PRKCB: variants seen among roughly 807,000 people sequenced by gnomAD.
PRKCB encodes protein kinase C beta type.
A neutral mutation model predicts 81.5 loss-of-function variants in PRKCB; 13 were observed. The ratio of observed to expected loss-of-function variants is 0.16; its 90% CI spans 0.10 to 0.25. PRKCB has a LOEUF of 0.25. PRKCB is among the 10% of genes least tolerant of loss of function. The probability of loss-of-function intolerance (pLI) is 1.00; values close to 1 mark genes in which losing one functional copy is unlikely to be tolerated. For synonymous variants in PRKCB, 335 were observed against 321.4 expected (o/e 1.04, Z -0.45); for missense variants, 509 against 875.7 (o/e 0.58, Z 5.29).
intron 2 of PRKCB, among the ~76,000 whole-genome samples, chr16:23,981,627 CTTTTTT>C (rs1964706422): frequency 7.0e-6 from 1 of 143,306 alleles, no homozygotes; most frequent in Non-Finnish European, 1.5e-5. Flanking sequence ...TTTCCCTTCC[CTTTTTT>C]CCCTTTCTTT....
intron 4 of PRKCB, 125 bp from the exon 5 acceptor site, chr16:24,035,294 C>A: frequency 7.8e-7 from 1 of 1,290,040 alleles, no homozygotes. Context: ...CTCAGCCAGG[C>A]TCGTGTGTCT....
chr16:23,853,539 T>G (rs1462918558), intron 2 of PRKCB, among the ~76,000 whole-genome samples: 1 of 152,178 alleles, frequency 6.6e-6, no homozygotes, highest in African/African-American at 2.4e-5. Context: ...AGAAAACAGG[T>G]TTTGATGAAC....
At chr16:24,189,590 C>T (rs929327805) in intron 15 of PRKCB, among the ~76,000 whole-genome samples, 56 of 148,148 alleles carry the variant, frequency 3.8e-4, no homozygotes, top group Non-Finnish European at 7.4e-4. Flanking sequence ...TGCAGTGACC[C>T]GAGATCGCGC....
chr16:24,095,944 A>G (rs186011616), intron 7 of PRKCB, among the ~76,000 whole-genome samples: 1 of 152,262 alleles, frequency 6.6e-6, no homozygotes, highest in East Asian at 1.9e-4. Context: ...TCCTAACCTC[A>G]TGGTCCCTCA....
At chr16:23,846,954 G>T (rs1033689260) in intron 2 of PRKCB, among the ~76,000 whole-genome samples, 17 of 151,904 alleles carry the variant, frequency 1.1e-4, no homozygotes, top group African/African-American at 4.1e-4. Context: ...GTGGTCTCCT[G>T]GGCATCTCCT....
At chr16:24,141,157 C>G (rs1335266910) in intron 9 of PRKCB, among the ~76,000 whole-genome samples, 1 of 152,136 alleles carries the variant, frequency 6.6e-6, no homozygotes, top group Non-Finnish European at 1.5e-5. Flanking sequence ...ACCCTGATAT[C>G]CAACCTGCTG....
At chr16:24,150,028 T>C (rs560252744) in intron 9 of PRKCB, among the ~76,000 whole-genome samples, 1 of 152,262 alleles carries the variant, frequency 6.6e-6, no homozygotes, top group Non-Finnish European at 1.5e-5. Context: ...GCCTGCACAG[T>C]GGTAGAAAAG....
intron 8 of PRKCB, among the ~76,000 whole-genome samples, chr16:24,117,776 A>C (rs1169252429): frequency 6.6e-6 from 1 of 152,146 alleles, no homozygotes; most frequent in South Asian, 2.1e-4. Flanking sequence ...TATCAAGCAG[A>C]CTACTGCTGT....
intron 2 of PRKCB, among the ~76,000 whole-genome samples, chr16:23,898,744 A>T (rs773812917): frequency 6.6e-6 from 1 of 152,312 alleles, no homozygotes; most frequent in Middle Eastern, 3.4e-3. Context: ...GTAAAAATAC[A>T]TAACAAAATA....
chr16:24,169,674 C>T (rs946179183), intron 10 of PRKCB, among the ~76,000 whole-genome samples: 1 of 152,184 alleles, frequency 6.6e-6, no homozygotes, highest in African/African-American at 2.4e-5. Flanking sequence ...ACTGGAACTC[C>T]TTTCTCCCAT....
At chr16:24,104,017 C>T (rs569740079) in intron 7 of PRKCB, among the ~76,000 whole-genome samples, 3 of 152,232 alleles carry the variant, frequency 2.0e-5, no homozygotes, top group Admixed American at 2.0e-4. Context: ...GTTGGTCAGG[C>T]TGGTCATGAA....
At chr16:23,922,866 C>T (rs1963845582) in intron 2 of PRKCB, among the ~76,000 whole-genome samples, 1 of 150,318 alleles carries the variant, frequency 6.7e-6, no homozygotes, top group Non-Finnish European at 1.5e-5. Flanking sequence ...GAGCCACACT[C>T]AGTGGCTAAG....
chr16:24,097,059 C>T (rs1366686854), intron 7 of PRKCB, among the ~76,000 whole-genome samples: 14 of 95,250 alleles, frequency 1.5e-4, no homozygotes, highest in South Asian at 3.8e-4. Flanking sequence ...TTTTTTGAGA[C>T]GGAGTCTTGC....
chr16:23,930,658 T>C (rs931348205), intron 2 of PRKCB, among the ~76,000 whole-genome samples: 1 of 152,172 alleles, frequency 6.6e-6, no homozygotes, highest in African/African-American at 2.4e-5. Flanking sequence ...TTTCAATGTC[T>C]GTCTTTCTAG....
chr16:24,195,534 G>A (rs536366074), intron 16 of PRKCB, among the ~76,000 whole-genome samples: 2 of 152,282 alleles, frequency 1.3e-5, no homozygotes, highest in South Asian at 4.1e-4. Flanking sequence ...TGCTATTATT[G>A]GAGGTTCATT....
chr16:24,207,831 G>A (rs1245461443), intron 16 of PRKCB, among the ~76,000 whole-genome samples: 2 of 152,196 alleles, frequency 1.3e-5, no homozygotes, highest in Non-Finnish European at 2.9e-5. Flanking sequence ...GAGTGGAGAA[G>A]GAGTGGAAGG....
chr16:23,910,820 T>C (rs750388710), intron 2 of PRKCB, among the ~76,000 whole-genome samples: 3 of 152,138 alleles, frequency 2.0e-5, no homozygotes, highest in Non-Finnish European at 2.9e-5. Context: ...GCAGTCGCTC[T>C]CCATTTTTTT....
chr16:24,154,882 A>T, intron 10 of PRKCB, 25 bp downstream of exon 10: 1 of 1,606,786 alleles, frequency 6.2e-7, no homozygotes, highest in South Asian at 1.1e-5. Context: ...GGCCCTGGGT[A>T]TTCCACCTCC....
At chr16:24,014,288 G>A (rs544968545) in intron 3 of PRKCB, among the ~76,000 whole-genome samples, 5 of 152,150 alleles carry the variant, frequency 3.3e-5, no homozygotes, top group Non-Finnish European at 7.3e-5. Context: ...GGGGAGGGGA[G>A]GAGATGGGTG....
Sources: allele counts gnomAD v4.1 joint callset (sites outside exome capture counted in the v4.1 genomes callset), GRCh38; gene constraint gnomAD v4.1.1; transcripts MANE v1.5; gene names NCBI Gene and HGNC (gene_info 2026-07-23, HGNC 2026-07-21).